Variants in SNRPC observed in about 807,000 individuals in gnomAD.
SNRPC encodes the protein small nuclear ribonucleoprotein polypeptide C.
In SNRPC, 5 loss-of-function variants were observed where a neutral mutation model predicts 20.0. That is an observed-to-expected ratio of 0.25 (90% CI 0.13 to 0.53). The LOEUF (loss-of-function observed/expected upper bound fraction) is 0.53. Among genes scored for constraint, SNRPC ranks in the 20% least tolerant of loss-of-function variants. The pLI is 0.96. For missense variants in SNRPC, 112 were observed against 224.1 expected, an observed-to-expected ratio of 0.50 and a Z score of 3.19; for synonymous variants, 61 against 58.7, an observed-to-expected ratio of 1.04 and a Z score of -0.18.
At chr6:34,758,819 G>A (rs1176809915) in intron 2 of SNRPC, among the ~76,000 whole-genome samples, 2 of 151,798 alleles carry the variant, frequency 1.3e-5, no homozygotes, top group Non-Finnish European at 2.9e-5. Flanking sequence ...GAGGTCAGGA[G>A]ATCGAGACCA....
chr6:34,768,975 C>T (rs1053096735), intron 4 of SNRPC, among the ~76,000 whole-genome samples: 5 of 152,030 alleles, frequency 3.3e-5, no homozygotes, highest in East Asian at 3.9e-4. Flanking sequence ...CACACAATCA[C>T]GGGTATAAAC....
At chr6:34,766,391 A>T (rs538759367) in intron 3 of SNRPC, among the ~76,000 whole-genome samples, 1 of 151,388 alleles carries the variant, frequency 6.6e-6, no homozygotes, top group East Asian at 2.0e-4. Flanking sequence ...TAGAGACGGG[A>T]TCTCACTATG....
intron 5 of SNRPC, among the ~76,000 whole-genome samples, chr6:34,772,703 C>T (rs1488352471): frequency 6.6e-6 from 1 of 152,136 alleles, no homozygotes; most frequent in East Asian, 1.9e-4. Context: ...CATGAACCCA[C>T]CACCCAGCTG....
intron 2 of SNRPC, among the ~76,000 whole-genome samples, chr6:34,759,906 A>G (rs1281920018): frequency 6.6e-6 from 1 of 152,160 alleles, no homozygotes; most frequent in Non-Finnish European, 1.5e-5. Flanking sequence ...CTGAGGCCTC[A>G]CTGTGTTTCC....
At chr6:34,761,112 T>C (rs372191557) in intron 2 of SNRPC, among the ~76,000 whole-genome samples, 5 of 151,890 alleles carry the variant, frequency 3.3e-5, no homozygotes, top group African/African-American at 1.2e-4. Context: ...GTGCTGTAAT[T>C]TTTGGACTTT....
At chr6:34,764,487 A>C (rs887051217) in intron 3 of SNRPC, among the ~76,000 whole-genome samples, 6 of 147,250 alleles carry the variant, frequency 4.1e-5, no homozygotes, top group Non-Finnish European at 9.1e-5. Context: ...AAAAACAAAC[A>C]AAAAAAAACA....
At position 34,763,718 on chromosome 6, in the gene SNRPC, T is replaced by TTGTA. The variant is rs199511215; in HGVS notation, c.160+1016_160+1017insGTAT. On this transcript the variant is annotated intron_variant, in intron 3 of 5. Coordinates refer to ENST00000244520, the MANE Select transcript of SNRPC (RefSeq NM_003093.3). ...TTAAAAATTTGTATTTTTTATTTAT[T>TTGTA]TTTATTTATTTATTTATTTGAGACA... Among the ~76,000 whole-genome samples the TTGTA allele has an allele frequency of 8.2e-3, 1,241 of 150,794 alleles. 20 individuals are homozygous for TTGTA. The highest frequency in any genetic ancestry group is 0.026 in the African/African-American group (1,081 of 41,250).
At chr6:34,763,424 G>A (rs920612293) in intron 3 of SNRPC, among the ~76,000 whole-genome samples, 5 of 152,210 alleles carry the variant, frequency 3.3e-5, no homozygotes, top group Admixed American at 6.5e-5. Flanking sequence ...GCTGATGCCT[G>A]TAATCCCAGT....
At chr6:34,758,033 C>T (rs990173290) in intron 2 of SNRPC, 79 bp downstream of exon 2, 1 of 1,484,132 alleles carries the variant, frequency 6.7e-7, no homozygotes, top group South Asian at 1.2e-5. Context: ...TTTTAAGTTG[C>T]AAGTTGTGCT....
At position 34,765,792 on chromosome 6, in the gene SNRPC, G is replaced by A. The variant is rs139289541; in HGVS notation, c.161-2116G>A. ...CTCACTCTGTTGCCCAGACTGGAGT[G>A]CTGTGGTGCCATTAAAGCTCACTGC... On this transcript the variant is annotated intron_variant, in intron 3 of 5. Transcript: ENST00000244520. Among the ~76,000 whole-genome samples the A allele has an allele frequency of 3.6e-3, 543 of 152,078 alleles. 10 individuals are homozygous for A. In the East Asian group the frequency reaches 0.042, roughly 12 times the overall value.
At chr6:34,758,520 G>C (rs1048008526) in intron 2 of SNRPC, among the ~76,000 whole-genome samples, 4 of 151,978 alleles carry the variant, frequency 2.6e-5, no homozygotes, top group Admixed American at 2.6e-4. Context: ...TCTCCATGTT[G>C]GTCAGGCTGG....
intron 2 of SNRPC, among the ~76,000 whole-genome samples, chr6:34,761,513 ATTTTTTTTTT>A (rs869059984): frequency 2.3e-5 from 2 of 85,646 alleles, no homozygotes; most frequent in Middle Eastern, 8.8e-3. Context: ...ACAAGGAACA[ATTTTTTTTTT>A]TTTTTTTTTT....
At position 34,757,930 on chromosome 6, in the gene SNRPC, C is replaced by A; in HGVS notation, c.27C>A (p.Cys9Ter). 6.2e-7 allele frequency: 1 copy of A among 1,613,136 alleles called. No individual in the cohort carries two copies. Among genetic ancestry groups the A allele is most frequent in the Non-Finnish European group, 8.5e-7 (1 of 1,179,984 alleles). ...TTTTCAGGTTTTATTGTGACTACTG[C>A]GATACATACCTCACCCATGACTCTG... MPKFYCDY[C>*]DTYLTHDSPS... The change falls in exon 2 of 6, where the codon TGC becomes TGA. Residue 9 changes from cysteine (C) to a stop codon, truncating the protein, a stop_gained. Coordinates refer to ENST00000244520, the MANE Select transcript of SNRPC (RefSeq NM_003093.3). LOFTEE classifies it high-confidence loss of function.
intron 4 of SNRPC, among the ~76,000 whole-genome samples, chr6:34,769,288 G>C (rs1764656874): frequency 6.9e-6 from 1 of 144,464 alleles, no homozygotes; most frequent in African/African-American, 2.6e-5. Flanking sequence ...GGAGTGCAGT[G>C]GCACGATCTC....
intron 5 of SNRPC, chr6:34,772,826 A>T (rs1458925793): frequency 1.3e-5 from 2 of 152,100 alleles, no homozygotes; most frequent in Non-Finnish European, 1.5e-5. Context: ...TGGGACACTT[A>T]AAAAAATTCA....
At chr6:34,765,664 C>G (rs968281617) in intron 3 of SNRPC, among the ~76,000 whole-genome samples, 15 of 151,868 alleles carry the variant, frequency 9.9e-5, no homozygotes, top group Admixed American at 2.0e-4. Flanking sequence ...GTCTTGAACT[C>G]GTGACCTCAA....
Position 34,773,361 on chromosome 6 carries a change from G to A in SNRPC, c.356-85G>A. The A allele has an allele frequency of 7.8e-7, 1 of 1,289,664 alleles. No individual in the cohort carries two copies. Among genetic ancestry groups the A allele is most frequent in the Non-Finnish European group, 1.1e-6 (1 of 934,482 alleles). 79.9% of individuals were successfully genotyped at this position (1,289,664 alleles called of 1,614,324 possible). A position where few individuals can be genotyped will look rare whatever the true frequency, so the allele number is the denominator to read the frequency against. Reference sequence around the variant, plus strand: ...TTTTGCAAGGGGGGCTACGTTTTTTGTTTTTAATTGAAGTCCCATCAAACT... The same window carrying A: ...TTTTGCAAGGGGGGCTACGTTTTTTATTTTTAATTGAAGTCCCATCAAACT... On this transcript the variant is annotated intron_variant, in intron 5 of 5. Transcript: ENST00000244520. The surrounding 1 kb of genome is among the most constrained non-coding windows in gnomAD (Gnocchi z 4.1).
chr6:34,762,729 G>T, intron 3 of SNRPC, 26 bp downstream of exon 3: 1 of 1,181,124 alleles, frequency 8.5e-7, no homozygotes, highest in Admixed American at 1.7e-5. Context: ...TTGTTCTGCT[G>T]TGGTAAAATG....
chr6:34,763,542 G>A lies in SNRPC; in HGVS notation c.160+839G>A, dbSNP rs150126394. 7.3e-3 allele frequency among the ~76,000 whole-genome samples: 1,109 copies of A among 151,322 alleles called. 21 individuals carry two copies. The highest frequency in any genetic ancestry group is 0.026 in the African/African-American group (1,055 of 41,206). On this transcript the variant is annotated intron_variant, in intron 3 of 5. Transcript: ENST00000244520. ...CTAAAAATATAAAAATTAGCGGGGC[G>A]TGGTGGTGCCTGCTTCTAATCCCAG...
Sources: gnomAD v4.1 joint callset for allele counts (sites outside exome capture counted in the v4.1 genomes callset) on GRCh38, gnomAD v4.1.1 for gene constraint, Gnocchi (gnomAD v3.1) non-coding constraint, MANE v1.5 for transcripts, NCBI Gene and HGNC (gene_info 2026-07-23, HGNC 2026-07-21) for gene names.